The following PGK1 variants were observed in gnomAD, a reference collection of about 807,000 sequenced individuals.
The protein encoded by PGK1 is PRP 2.
In PGK1, 3 loss-of-function variants were observed where a neutral mutation model predicts 26.9. The ratio of observed to expected loss-of-function variants is 0.11; its 90% CI spans 0.05 to 0.29. PGK1 has a LOEUF of 0.29. Ranked by LOEUF, PGK1 falls within the 10% of genes least tolerant of loss-of-function variation. The pLI is 1.00. For synonymous variants in PGK1, 125 were observed against 115.3 expected (o/e 1.08, Z -0.54); for missense variants, 270 against 314.7 (o/e 0.86, Z 1.07).
At chrX:78,115,857 AT>A (rs1457722232) in intron 4 of PGK1, among the ~76,000 whole-genome samples, 1 of 110,965 alleles carries the variant, frequency 9.0e-6, no homozygotes, top group Non-Finnish European at 1.9e-5. Flanking sequence ...TTCCTTAAAT[AT>A]CTTTTTAAAG....
At chrX:78,104,459 G>A (rs2078258677) in intron 1 of PGK1, 54 bp downstream of exon 1, 9 of 934,958 alleles carry the variant, frequency 9.6e-6, no homozygotes, top group Non-Finnish European at 3.1e-6. Flanking sequence ...AAACCTCTTT[G>A]GCCGGAGCCG....
In PGK1 at chrX:78,104,443, T is replaced by C. The variant is rs782351595; in HGVS notation, c.65+38T>C. The C allele has an allele frequency of 6.7e-6, 7 of 1,045,055 alleles. No individual in the cohort carries two copies. The East Asian group carries it at 2.1e-4, about 32-fold the overall frequency. 86.1% of individuals were successfully genotyped at this position (1,045,055 alleles called of 1,213,427 possible). A position where few individuals can be genotyped will look rare whatever the true frequency, so the allele number is the denominator to read the frequency against. ...GTTTGCCCGCGTGCTCTCTGTGCTC[T>C]GTCGCAAACCTCTTTGGCCGGAGCC... On this transcript the variant is annotated intron_variant, in intron 1 of 10. Transcript: ENST00000373316.
At position 78,127,756 on chromosome X, in the gene PGK1, GT is replaced by G. The variant is rs1557248854; in HGVS notation, c.*1932del. On this transcript the variant is annotated 3_prime_UTR_variant, in exon 11 of 11. Transcript: ENST00000373316. ...ACAAAACAGAAATTTGAAAGCTCAAGTTTTTTCTTCATTTGTATTTTAGTTA... is the reference window on the plus strand; with the variant it reads ...ACAAAACAGAAATTTGAAAGCTCAAGTTTTTCTTCATTTGTATTTTAGTTA... The G allele has an allele frequency of 1.8e-5, 2 of 112,069 alleles. No homozygotes were observed. The highest frequency in any genetic ancestry group is 3.8e-5 in the Non-Finnish European group (2 of 53,196). 9.2% of individuals were successfully genotyped at this position (112,069 alleles called of 1,213,427 possible).
intron 6 of PGK1, 134 bp from the exon 7 acceptor site, chrX:78,122,701 C>G: frequency 2.1e-6 from 1 of 480,188 alleles, no homozygotes; most frequent in Non-Finnish European, 3.7e-6. Context: ...AAACATAGGG[C>G]AAAGTTAGGC....
intron 2 of PGK1, among the ~76,000 whole-genome samples, chrX:78,110,609 T>C (rs2149130662): frequency 9.1e-6 from 1 of 110,156 alleles, no homozygotes; most frequent in East Asian, 2.9e-4. Context: ...ACCATCTCTA[T>C]AAAACACACA....
chrX:78,112,139 G>A (rs2078304330), intron 2 of PGK1, among the ~76,000 whole-genome samples: 1 of 111,431 alleles, frequency 9.0e-6, no homozygotes, highest in Non-Finnish European at 1.9e-5. Flanking sequence ...GGTCATTTTT[G>A]TCCTCAAAAG....
At chrX:78,114,215 C>T in intron 4 of PGK1, 55 bp downstream of exon 4, 5 of 1,106,033 alleles carry the variant, frequency 4.5e-6, no homozygotes, top group Non-Finnish European at 6.3e-6. Context: ...CTGTAAGAGA[C>T]TGTGGTTGAA....
chrX:78,123,463 T>A, intron 8 of PGK1, 89 bp downstream of exon 8: 1 of 723,943 alleles, frequency 1.4e-6, no homozygotes, highest in Non-Finnish European at 2.1e-6. Flanking sequence ...ACAAGCATTT[T>A]AAAACAATCT....
At chrX:78,117,453 T>A in intron 5 of PGK1, 38 bp downstream of exon 5, 1 of 891,806 alleles carries the variant, frequency 1.1e-6, no homozygotes, top group Non-Finnish European at 1.7e-6. Context: ...CTGAGAACAG[T>A]ATTCCTATTT....
At chrX:78,120,417 T>C (rs982297467) in intron 6 of PGK1, among the ~76,000 whole-genome samples, 105 of 110,518 alleles carry the variant, frequency 9.5e-4, no homozygotes, top group Admixed American at 3.0e-3. Flanking sequence ...TATGTGTATA[T>C]ATGTGTGTGT....
chrX:78,104,392 C>T lies in PGK1; in HGVS notation c.52C>T (p.Arg18Trp). 8.3e-7 allele frequency: 1 copy of T among 1,202,411 alleles called. No homozygotes were observed. The highest frequency in any genetic ancestry group is 1.1e-6 in the Non-Finnish European group (1 of 886,828). ...GGACAAGCTGGACGTTAAAGGGAAG[C>T]GGGTCGTTATGAGGTAATTCTGCAC... ...TLDKLDVKGKRVVMRVDFNVP... is the reference protein window; with the variant it reads ...TLDKLDVKGKWVVMRVDFNVP... The change falls in exon 1 of 11, where the codon CGG becomes TGG. Residue 18 changes from arginine (R) to tryptophan (W), a missense_variant. This residue lies in a region of PGK1 where 150 missense variants were observed against 154.6 expected (regional missense o/e 0.97). Coordinates refer to ENST00000373316, the MANE Select transcript of PGK1 (RefSeq NM_000291.4).
rs1344766310 is a variant in PGK1 at position 78,125,937 on chromosome X, T to G, written c.*107T>G. ...ACCTTCCATGTCAAGATTCAGCTAG[T>G]GGCCAAGAGATGCAGTGCCAGGAAC... On this transcript the variant is annotated 3_prime_UTR_variant, in exon 11 of 11. Transcript: ENST00000373316. 1.2e-5 allele frequency: 8 copies of G among 677,225 alleles called. No individual in the cohort carries two copies. Among genetic ancestry groups the G allele is most frequent in the Non-Finnish European group, 2.0e-5 (8 of 409,701 alleles). 55.8% of individuals were successfully genotyped at this position (677,225 alleles called of 1,213,427 possible).
chrX:78,123,440 A>AT (rs1196009754), intron 8 of PGK1, 66 bp downstream of exon 8: 1 of 870,898 alleles, frequency 1.1e-6, no homozygotes, highest in Non-Finnish European at 1.7e-6. Flanking sequence ...TTATTCATTG[A>AT]TTCAGCCAAT....
intron 3 of PGK1, 44 bp downstream of exon 3, chrX:78,113,943 A>G (rs782473752): frequency 1.7e-6 from 2 of 1,205,717 alleles, no homozygotes; most frequent in South Asian, 1.8e-5. Flanking sequence ...TGGCGGGGGA[A>G]GTTGTCAAGC....
chrX:78,118,230 C>T, intron 6 of PGK1, 60 bp downstream of exon 6: 1 of 1,141,455 alleles, frequency 8.8e-7, no homozygotes, highest in Non-Finnish European at 1.2e-6. Context: ...TAGGCCATAA[C>T]TTGGGTGGTT....
intron 4 of PGK1, among the ~76,000 whole-genome samples, chrX:78,116,655 TGATG>T (rs2078328034): frequency 8.9e-6 from 1 of 112,848 alleles, no homozygotes. Context: ...GGGTATGCCT[TGATG>T]GCAAGCTGAC....
chrX:78,111,007 CATGAG>C (rs2078298363), intron 2 of PGK1, among the ~76,000 whole-genome samples: 1 of 107,945 alleles, frequency 9.3e-6, no homozygotes, highest in Non-Finnish European at 1.9e-5. Flanking sequence ...ATATGGGTTA[CATGAG>C]ATATTTTGAT....
Position 78,104,583 on chromosome X carries a change from C to T in PGK1, c.65+178C>T, listed in dbSNP as rs782124225. ...TGGTGGTTTCTAGCCGCATTTTCCC[C>T]AGCCCAGAAAGCACCCGAAGTCACC... On this transcript the variant is annotated intron_variant, in intron 1 of 10. Coordinates refer to ENST00000373316, the MANE Select transcript of PGK1 (RefSeq NM_000291.4). Among the ~76,000 whole-genome samples, 16 of 111,355 alleles carry T rather than the reference C, an allele frequency of 1.4e-4. 1 individual carries two copies. The South Asian group carries it at 4.6e-3, about 32-fold the overall frequency.
intron 1 of PGK1, among the ~76,000 whole-genome samples, chrX:78,107,950 T>A (rs781993106): frequency 9.3e-6 from 1 of 107,038 alleles, no homozygotes; most frequent in Non-Finnish European, 1.9e-5. Flanking sequence ...CTCAGGGGTG[T>A]TATAAGGAAA....
Sources: gnomAD v4.1 joint callset for allele counts (sites outside exome capture counted in the v4.1 genomes callset) on GRCh38, gnomAD v4.1.1 for gene constraint, gnomAD v4.1.1 regional missense constraint, MANE v1.5 for transcripts, NCBI Gene and HGNC (gene_info 2026-07-23, HGNC 2026-07-21) for gene names.